Variants in MDGA2 observed in about 807,000 individuals in gnomAD.
MDGA2 encodes the protein MAM domain containing glycosylphosphatidylinositol anchor 2, also known as MAM domain-containing glycosylphosphatidylinositol anchor protein 2.
A neutral mutation model predicts 117.8 loss-of-function variants in MDGA2; 40 were observed. That is an observed-to-expected ratio of 0.34 (90% confidence interval 0.26 to 0.44). The LOEUF (loss-of-function observed/expected upper bound fraction) is 0.44. Ranked by LOEUF, MDGA2 falls within the 20% of genes least tolerant of loss-of-function variation. The pLI, the probability that MDGA2 is intolerant of heterozygous loss-of-function variation, is 1.00. For synonymous variants in MDGA2, 452 were observed against 439.0 expected, an observed-to-expected ratio of 1.03 and a Z score of -0.37; for missense variants, 1,123 against 1,250.6, an observed-to-expected ratio of 0.90 and a Z score of 1.54.
At chr14:47,272,459 G>A (rs1888176199) in intron 2 of MDGA2, among the ~76,000 whole-genome samples, 1 of 152,038 alleles carries the variant, frequency 6.6e-6, no homozygotes, top group African/African-American at 2.4e-5. Context: ...AGATGGGAGG[G>A]GGAGTTGAAA....
chr14:46,932,959 G>A (rs1884635861), intron 9 of MDGA2, among the ~76,000 whole-genome samples: 1 of 151,922 alleles, frequency 6.6e-6, no homozygotes, highest in African/African-American at 2.4e-5. Flanking sequence ...AAAATCAATT[G>A]TATTTGAATG....
At chr14:47,449,548 A>G (rs1382679255) in intron 1 of MDGA2, among the ~76,000 whole-genome samples, 1 of 152,182 alleles carries the variant, frequency 6.6e-6, no homozygotes, top group Non-Finnish European at 1.5e-5. Flanking sequence ...ACCTTCTTAA[A>G]TTACATAGAT....
intron 1 of MDGA2, among the ~76,000 whole-genome samples, chr14:47,580,060 A>T (rs1381109446): frequency 2.0e-5 from 3 of 152,074 alleles, no homozygotes; most frequent in Non-Finnish European, 4.4e-5. Context: ...TCACACCCCA[A>T]TTAAATGGTA....
chr14:47,588,227 G>GAT (rs1566528680), intron 1 of MDGA2, among the ~76,000 whole-genome samples: 3 of 79,160 alleles, frequency 3.8e-5, no homozygotes, highest in African/African-American at 1.6e-4. Context: ...AAATCTCTTG[G>GAT]AGATAGATAG....
chr14:47,465,006 C>G (rs557631897), intron 1 of MDGA2, among the ~76,000 whole-genome samples: 3 of 152,110 alleles, frequency 2.0e-5, no homozygotes, highest in Non-Finnish European at 4.4e-5. Context: ...AAACAGGCAC[C>G]TACATGAATG....
chr14:47,175,514 T>C (rs987460910), intron 3 of MDGA2, among the ~76,000 whole-genome samples: 1 of 151,128 alleles, frequency 6.6e-6, no homozygotes. Flanking sequence ...TCAATAAATG[T>C]AATCCAGCAT....
intron 1 of MDGA2, among the ~76,000 whole-genome samples, chr14:47,485,705 G>T (rs1483868295): frequency 1.6e-4 from 25 of 152,166 alleles, no homozygotes; most frequent in Admixed American, 1.6e-3. Flanking sequence ...TTGGTGCCCT[G>T]TGTCCCAGCT....
chr14:47,244,480 G>A (rs9323128), intron 2 of MDGA2, among the ~76,000 whole-genome samples: 124,603 of 151,558 alleles, frequency 0.82, 52,031 homozygotes, highest in East Asian at 0.93. Context: ...TTTTGGCCAC[G>A]TATACTAGAA....
intron 8 of MDGA2, chr14:46,960,391 C>A (rs1885748128): frequency 6.6e-6 from 1 of 151,912 alleles, no homozygotes. Context: ...TCTATCATAT[C>A]TTTAGTGAAC....
chr14:47,096,360 T>C (rs1385967044), intron 6 of MDGA2, among the ~76,000 whole-genome samples: 1 of 152,052 alleles, frequency 6.6e-6, no homozygotes, highest in Non-Finnish European at 1.5e-5. Context: ...TGACTATTGA[T>C]ATATATTATT....
chr14:47,426,985 A>T (rs1480991232), intron 1 of MDGA2, among the ~76,000 whole-genome samples: 1 of 152,056 alleles, frequency 6.6e-6, no homozygotes, highest in East Asian at 1.9e-4. Context: ...AAGTAATAAT[A>T]GTTAGCAAGG....
chr14:47,242,763 G>A lies in MDGA2; in HGVS notation c.421-24568C>T, dbSNP rs770880450. Among the ~76,000 whole-genome samples the A allele has an allele frequency of 2.8e-4, 42 of 151,764 alleles. 2 individuals carry two copies. The highest frequency in any genetic ancestry group is 4.9e-4 in the Non-Finnish European group (33 of 67,782). ...GCCCCTGTGCGGCCCGAGCCTCCCC[G>A]ACGAGCACCACCCCCTGCTCCAGGG... is the stretch of plus-strand genomic sequence containing the variant. On this transcript the variant is annotated intron_variant, in intron 2 of 16. Transcript: ENST00000399232.
At chr14:47,072,497 A>G (rs1007454692) in intron 6 of MDGA2, among the ~76,000 whole-genome samples, 7 of 152,224 alleles carry the variant, frequency 4.6e-5, no homozygotes, top group African/African-American at 1.7e-4. Context: ...TGATGATAAG[A>G]CCAGTAATTC....
chr14:47,301,497 C>T lies in MDGA2; in HGVS notation c.334G>A (p.Glu112Lys). 3 of 1,551,704 alleles carry T rather than the reference C, an allele frequency of 1.9e-6. No homozygotes were observed. The highest frequency in any genetic ancestry group is 1.7e-4 in the Middle Eastern group (1 of 5,992). The change falls in exon 2 of 17, where the codon GAG becomes AAG. Residue 112 changes from glutamate to lysine, a missense_variant. This residue lies in a region of MDGA2 where 233 missense variants were observed against 200.3 expected (regional missense o/e 1.16). Coordinates refer to ENST00000399232, the MANE Select transcript of MDGA2 (RefSeq NM_001113498.3). The stretch of plus-strand genomic sequence containing the variant: ...GTGTAGACCCTTTCGGAGTAGCGCT[C>T]CTCTTCAATGTTACAGGCCAAGCCT... ...HSGLACNIEE[E>K]RYSERVYTIR...
Position 47,357,844 on chromosome 14 carries a change from G to C in MDGA2, c.281-56294C>G, listed in dbSNP as rs111867156. Reference sequence around the variant, plus strand: ...CCAAAACTTACTTGAACTCAGTAGCGCAAGAGTTTCACTCTTCTAACTTTA... The same window carrying C: ...CCAAAACTTACTTGAACTCAGTAGCCCAAGAGTTTCACTCTTCTAACTTTA... On this transcript the variant is annotated intron_variant, in intron 1 of 16. Transcript: ENST00000399232. Among the ~76,000 whole-genome samples, 1,345 of 152,194 alleles carry C rather than the reference G, an allele frequency of 8.8e-3. 14 individuals are homozygous for C. The highest frequency in any genetic ancestry group is 0.03 in the African/African-American group (1,261 of 41,516).
At chr14:47,233,551 T>C (rs926684568) in intron 2 of MDGA2, among the ~76,000 whole-genome samples, 1 of 152,136 alleles carries the variant, frequency 6.6e-6, no homozygotes, top group Non-Finnish European at 1.5e-5. Context: ...CTTTGAATAC[T>C]CTTCATGTGA....
intron 7 of MDGA2, among the ~76,000 whole-genome samples, chr14:47,056,742 C>A (rs1258210476): frequency 6.6e-6 from 1 of 152,082 alleles, no homozygotes; most frequent in Admixed American, 6.6e-5. Flanking sequence ...AGATATTTTG[C>A]AACAATGCCT....
intron 1 of MDGA2, among the ~76,000 whole-genome samples, chr14:47,541,647 A>T (rs1388918639): frequency 1.3e-5 from 2 of 152,208 alleles, no homozygotes; most frequent in Admixed American, 1.3e-4. Flanking sequence ...AATCAGAAAA[A>T]AAGTGGGGAG....
At chr14:46,899,881 C>T (rs1260700056) in intron 10 of MDGA2, among the ~76,000 whole-genome samples, 3 of 151,892 alleles carry the variant, frequency 2.0e-5, no homozygotes, top group African/African-American at 7.3e-5. Context: ...CAGAAGGCAT[C>T]AGTAGAGTAT....
Sources: gnomAD v4.1 joint callset for allele counts (sites outside exome capture counted in the v4.1 genomes callset) on GRCh38, gnomAD v4.1.1 for gene constraint, gnomAD v4.1.1 regional missense constraint, MANE v1.5 for transcripts, NCBI Gene and HGNC (gene_info 2026-07-23, HGNC 2026-07-21) for gene names.